ZCCHC7: variants seen among roughly 807,000 people sequenced by gnomAD.
ZCCHC7 encodes zinc finger CCHC domain-containing protein 7.
ZCCHC7 carries 35 observed loss-of-function variants against 52.0 expected under a neutral mutation model. The ratio of observed to expected loss-of-function variants is 0.67; its 90% CI spans 0.51 to 0.89. The LOEUF (loss-of-function observed/expected upper bound fraction) is 0.89. Ranked by LOEUF, ZCCHC7 falls within the 40% of genes least tolerant of loss-of-function variation. ZCCHC7 has a pLI of 0.00. For synonymous variants in ZCCHC7, 217 were observed against 221.5 expected (o/e 0.98, Z 0.18); for missense variants, 574 against 649.1 (o/e 0.88, Z 1.26).
chr9:37,249,811 T>C (rs1246611530), intron 2 of ZCCHC7, among the ~76,000 whole-genome samples: 3 of 152,188 alleles, frequency 2.0e-5, no homozygotes, highest in Admixed American at 6.5e-5. Flanking sequence ...ATAATTTATA[T>C]GATCAATCAA....
intron 6 of ZCCHC7, among the ~76,000 whole-genome samples, chr9:37,333,354 C>T (rs1830522765): frequency 6.6e-6 from 1 of 151,604 alleles, no homozygotes; most frequent in East Asian, 1.9e-4. Flanking sequence ...ATTAGATGTT[C>T]AATAATCAAA....
chr9:37,248,162 A>G (rs1826161797), intron 2 of ZCCHC7, among the ~76,000 whole-genome samples: 1 of 152,202 alleles, frequency 6.6e-6, no homozygotes, highest in Non-Finnish European at 1.5e-5. Context: ...TAATGCTTTA[A>G]TATTTACATA....
intron 2 of ZCCHC7, among the ~76,000 whole-genome samples, chr9:37,145,671 G>C (rs1340549071): frequency 6.6e-6 from 1 of 151,840 alleles, no homozygotes; most frequent in East Asian, 1.9e-4. Flanking sequence ...TCAGAAAATA[G>C]GAGCATACCC....
At chr9:37,259,453 G>A (rs901421731) in intron 2 of ZCCHC7, among the ~76,000 whole-genome samples, 6 of 152,056 alleles carry the variant, frequency 3.9e-5, no homozygotes, top group African/African-American at 1.4e-4. Context: ...ATAATTGGAA[G>A]TAATGTCAAT....
chr9:37,159,528 T>G (rs1056504033), intron 2 of ZCCHC7, among the ~76,000 whole-genome samples: 10 of 152,180 alleles, frequency 6.6e-5, no homozygotes, highest in Non-Finnish European at 1.3e-4. Flanking sequence ...ACTGAGAACC[T>G]TTTGATTTTG....
At chr9:37,351,331 G>A (rs1221616655) in intron 7 of ZCCHC7, among the ~76,000 whole-genome samples, 2 of 152,092 alleles carry the variant, frequency 1.3e-5, no homozygotes, top group Non-Finnish European at 2.9e-5. Context: ...AAGTAGTGAA[G>A]ACTTTTTTTG....
In ZCCHC7 at chr9:37,357,394, C is replaced by A; in HGVS notation, c.*126C>A. 3 of 886,022 alleles carry A rather than the reference C, an allele frequency of 3.4e-6. No homozygotes were observed. Among genetic ancestry groups the A allele is most frequent in the Non-Finnish European group, 4.9e-6 (3 of 612,052 alleles). The allele number at this position is 886,022 out of a possible 1,614,324, so 54.9% of individuals were successfully genotyped here. A position where few individuals can be genotyped will look rare whatever the true frequency, so the allele number is the denominator to read the frequency against. ...GTTTTTGGTTTTGTTTTTTTAATTTCAGCCATTCCTAGAGTTACTGAATAT... is the reference window on the plus strand; with the variant it reads ...GTTTTTGGTTTTGTTTTTTTAATTTAAGCCATTCCTAGAGTTACTGAATAT... On this transcript the variant is annotated 3_prime_UTR_variant, in exon 9 of 9. Coordinates refer to ENST00000336755, the MANE Select transcript of ZCCHC7 (RefSeq NM_032226.3).
intron 2 of ZCCHC7, among the ~76,000 whole-genome samples, chr9:37,211,608 A>T (rs1409748527): frequency 6.6e-6 from 1 of 152,086 alleles, no homozygotes; most frequent in African/African-American, 2.4e-5. Flanking sequence ...TAGTAATAGG[A>T]TGTTAATTAT....
intron 2 of ZCCHC7, among the ~76,000 whole-genome samples, chr9:37,271,776 G>C (rs1289742309): frequency 7.2e-5 from 11 of 152,180 alleles, no homozygotes; most frequent in Admixed American, 7.2e-4. Context: ...CACCATGTTG[G>C]CCAGGCTGGT....
intron 1 of ZCCHC7, among the ~76,000 whole-genome samples, chr9:37,125,666 A>G (rs903010465): frequency 1.3e-5 from 2 of 152,258 alleles, no homozygotes; most frequent in African/African-American, 4.8e-5. Context: ...TAGGATAGTG[A>G]GAGCTGCTTT....
At chr9:37,155,099 A>G (rs1457499527) in intron 2 of ZCCHC7, among the ~76,000 whole-genome samples, 6 of 152,208 alleles carry the variant, frequency 3.9e-5, no homozygotes, top group East Asian at 1.9e-4. Flanking sequence ...AGTGGCTCAC[A>G]CCTGTAATCC....
chr9:37,216,196 T>A (rs544540452), intron 2 of ZCCHC7, among the ~76,000 whole-genome samples: 28 of 152,338 alleles, frequency 1.8e-4, no homozygotes, highest in Non-Finnish European at 3.1e-4. Flanking sequence ...ATTTTCATTC[T>A]TGTCTCTTAG....
intron 2 of ZCCHC7, among the ~76,000 whole-genome samples, chr9:37,185,082 G>A (rs1295744106): frequency 2.0e-5 from 3 of 151,922 alleles, no homozygotes; most frequent in South Asian, 2.1e-4. Context: ...CCCGTACTTC[G>A]AAACTAAACA....
chr9:37,185,571 T>C (rs1396799082), intron 2 of ZCCHC7, among the ~76,000 whole-genome samples: 1 of 152,200 alleles, frequency 6.6e-6, no homozygotes, highest in Non-Finnish European at 1.5e-5. Context: ...CTTGGTTCCT[T>C]GTAGAGCTCT....
At chr9:37,155,648 C>CTGTA (rs1334989957) in intron 2 of ZCCHC7, among the ~76,000 whole-genome samples, 1 of 152,168 alleles carries the variant, frequency 6.6e-6, no homozygotes, top group African/African-American at 2.4e-5. Flanking sequence ...GAAATTGAAT[C>CTGTA]TTACAGAGTT....
chr9:37,329,379 C>G (rs930336404), intron 6 of ZCCHC7, among the ~76,000 whole-genome samples: 1 of 151,586 alleles, frequency 6.6e-6, no homozygotes, highest in African/African-American at 2.4e-5. Context: ...TAAAAAGAAT[C>G]ATTAGGAAAA....
intron 2 of ZCCHC7, chr9:37,160,365 A>T (rs569897105): frequency 1.3e-5 from 2 of 152,404 alleles, no homozygotes; most frequent in East Asian, 3.9e-4. Context: ...AAATAAAAAA[A>T]TTAGCCAGGC....
intron 2 of ZCCHC7, among the ~76,000 whole-genome samples, chr9:37,198,075 C>T (rs893177120): frequency 6.6e-6 from 1 of 152,220 alleles, no homozygotes; most frequent in African/African-American, 2.4e-5. Context: ...TCTTTCAAAT[C>T]TGATACCTCT....
At chr9:37,213,774 T>C (rs1824362018) in intron 2 of ZCCHC7, among the ~76,000 whole-genome samples, 1 of 152,126 alleles carries the variant, frequency 6.6e-6, no homozygotes, top group Admixed American at 6.5e-5. Flanking sequence ...GTTTCTAAAG[T>C]GTTTTGATTA....
Sources: gnomAD v4.1 joint callset for allele counts (sites outside exome capture counted in the v4.1 genomes callset) on GRCh38, gnomAD v4.1.1 for gene constraint, MANE v1.5 for transcripts, NCBI Gene and HGNC (gene_info 2026-07-23, HGNC 2026-07-21) for gene names.